The following PCDH7 variants were observed in gnomAD, a reference collection of about 807,000 sequenced individuals.
PCDH7 encodes protocadherin 7, also known as protocadherin-7.
PCDH7 carries 17 observed loss-of-function variants against 58.9 expected under a neutral mutation model. That is an observed-to-expected ratio of 0.29 (90% CI 0.20 to 0.43). The LOEUF is 0.43. PCDH7 is among the 20% of genes least tolerant of loss of function. The pLI is 1.00. For synonymous variants in PCDH7, 664 were observed against 616.4 expected (o/e 1.08, Z -1.14); for missense variants, 1,274 against 1,441.0 (o/e 0.88, Z 1.88).
intron 1 of PCDH7, among the ~76,000 whole-genome samples, chr4:30,882,998 G>A (rs1431010883): frequency 6.6e-6 from 1 of 152,188 alleles, no homozygotes; most frequent in Non-Finnish European, 1.5e-5. Context: ...CCCTTTCAGT[G>A]TGATACATAT....
At chr4:31,050,272 A>T (rs1244863105) in intron 3 of PCDH7, among the ~76,000 whole-genome samples, 1 of 152,156 alleles carries the variant, frequency 6.6e-6, no homozygotes, top group Admixed American at 6.6e-5. Flanking sequence ...AAATATCCTG[A>T]TTTTGGAATT....
chr4:30,805,555 T>G (rs1032882085), intron 1 of PCDH7, among the ~76,000 whole-genome samples: 1 of 152,198 alleles, frequency 6.6e-6, no homozygotes, highest in Non-Finnish European at 1.5e-5. Context: ...ATTACAAACA[T>G]AATAGAGCAA....
chr4:31,061,660 T>A (rs1020243889), intron 3 of PCDH7, among the ~76,000 whole-genome samples: 6 of 151,782 alleles, frequency 4.0e-5, no homozygotes, highest in Admixed American at 3.9e-4. Flanking sequence ...AAAAGAGGCT[T>A]AAAAGTCAGT....
At chr4:31,072,366 T>C (rs1578717995) in intron 3 of PCDH7, among the ~76,000 whole-genome samples, 1 of 152,108 alleles carries the variant, frequency 6.6e-6, no homozygotes, top group South Asian at 2.1e-4. Context: ...TTAAAGAGCC[T>C]GTAAATGTAT....
At chr4:30,825,825 A>T (rs1423771765) in intron 1 of PCDH7, among the ~76,000 whole-genome samples, 1 of 152,172 alleles carries the variant, frequency 6.6e-6, no homozygotes, top group Non-Finnish European at 1.5e-5. Context: ...AGGTCAGACT[A>T]GGCCAAGCAT....
At chr4:30,899,631 G>A (rs184398993) in intron 1 of PCDH7, among the ~76,000 whole-genome samples, 20 of 152,232 alleles carry the variant, frequency 1.3e-4, no homozygotes, top group East Asian at 3.9e-4. Context: ...TTGGGTTTCC[G>A]TTTACTGTTC....
chr4:31,137,163 T>C (rs1719698406), intron 3 of PCDH7, among the ~76,000 whole-genome samples: 1 of 152,122 alleles, frequency 6.6e-6, no homozygotes, highest in Admixed American at 6.6e-5. Flanking sequence ...CTAGAAAAAA[T>C]AAGTCTTTGT....
chr4:30,848,470 C>T (rs985958548), intron 1 of PCDH7, among the ~76,000 whole-genome samples: 1 of 151,926 alleles, frequency 6.6e-6, no homozygotes, highest in Non-Finnish European at 1.5e-5. Context: ...AAGAACATTC[C>T]TTCCTTTTTC....
intron 1 of PCDH7, chr4:30,730,661 A>G (rs1715351781): frequency 7.8e-6 from 7 of 897,960 alleles, no homozygotes; most frequent in Non-Finnish European, 1.7e-6. Context: ...CGAAATCTCT[A>G]CTAAAGCTTT....
intron 1 of PCDH7, among the ~76,000 whole-genome samples, chr4:30,914,110 G>A (rs1742110081): frequency 6.6e-6 from 1 of 152,072 alleles, no homozygotes; most frequent in Admixed American, 6.6e-5. Context: ...TAACACTTTT[G>A]CCTACTCGTG....
intron 1 of PCDH7, among the ~76,000 whole-genome samples, chr4:30,887,905 T>C (rs1363693119): frequency 9.9e-5 from 15 of 151,950 alleles, no homozygotes; most frequent in African/African-American, 3.4e-4. Flanking sequence ...AGATGGTGTC[T>C]TGCTATGTTG....
chr4:31,090,611 T>A (rs1713112037), intron 3 of PCDH7, among the ~76,000 whole-genome samples: 1 of 152,106 alleles, frequency 6.6e-6, no homozygotes, highest in Non-Finnish European at 1.5e-5. Flanking sequence ...GGTAATTCAA[T>A]CACAAAGAAT....
At chr4:30,835,709 A>C (rs1730409284) in intron 1 of PCDH7, among the ~76,000 whole-genome samples, 1 of 152,190 alleles carries the variant, frequency 6.6e-6, no homozygotes. Flanking sequence ...GCTCACAGCC[A>C]TTATGTATAT....
chr4:31,003,528 C>A (rs1416754984), intron 3 of PCDH7, among the ~76,000 whole-genome samples: 2 of 151,932 alleles, frequency 1.3e-5, no homozygotes, highest in African/African-American at 2.4e-5. Flanking sequence ...TTGTGATTAC[C>A]GGCTCAGTAT....
chr4:31,056,440 A>G (rs1560608399), intron 3 of PCDH7, among the ~76,000 whole-genome samples: 1 of 73,254 alleles, frequency 1.4e-5, no homozygotes, highest in East Asian at 5.8e-4. Flanking sequence ...AAAAGAAAGA[A>G]GGAAAGAAAG....
At chr4:30,917,489 G>A (rs1367505857) in intron 1 of PCDH7, among the ~76,000 whole-genome samples, 1 of 151,846 alleles carries the variant, frequency 6.6e-6, no homozygotes, top group African/African-American at 2.4e-5. Flanking sequence ...TCCATTGTAT[G>A]ATACATTTTA....
intron 1 of PCDH7, 118 bp downstream of exon 1, chr4:30,724,714 G>A (rs1335091048): frequency 2.8e-6 from 4 of 1,449,982 alleles, no homozygotes; most frequent in Middle Eastern, 2.0e-4. Context: ...TTTAACAGTA[G>A]GAATTTAATG....
chr4:30,869,992 G>A (rs551454292), intron 1 of PCDH7, among the ~76,000 whole-genome samples: 18 of 152,076 alleles, frequency 1.2e-4, no homozygotes, highest in African/African-American at 4.1e-4. Flanking sequence ...GGTGTGAGAT[G>A]GTATTTCACT....
chr4:30,877,936 A>G (rs1454395874), intron 1 of PCDH7, among the ~76,000 whole-genome samples: 1 of 152,062 alleles, frequency 6.6e-6, no homozygotes, highest in Non-Finnish European at 1.5e-5. Flanking sequence ...GCCTTATTTT[A>G]TTTTGTTTAT....
Sources: gnomAD v4.1 joint callset for allele counts (sites outside exome capture counted in the v4.1 genomes callset) on GRCh38, gnomAD v4.1.1 for gene constraint, MANE v1.5 for transcripts, NCBI Gene and HGNC (gene_info 2026-07-23, HGNC 2026-07-21) for gene names.